The following RUBCNL variants were observed in gnomAD, a reference collection of about 807,000 sequenced individuals.
RUBCNL encodes the protein protein associated with UVRAG as autophagy enhancer.
A neutral mutation model predicts 69.5 loss-of-function variants in RUBCNL; 62 were observed. The ratio of observed to expected loss-of-function variants is 0.89; its 90% CI spans 0.73 to 1.10. The LOEUF (loss-of-function observed/expected upper bound fraction) is 1.10. Ranked by LOEUF, RUBCNL falls within the 50% of genes least tolerant of loss-of-function variation. The pLI is 0.00. For synonymous variants in RUBCNL, 291 were observed against 303.6 expected, an observed-to-expected ratio of 0.96 and a Z score of 0.43; for missense variants, 768 against 798.1, an observed-to-expected ratio of 0.96 and a Z score of 0.45.
At chr13:46,384,989 G>A (rs981782842) in intron 1 of RUBCNL, among the ~76,000 whole-genome samples, 1 of 152,124 alleles carries the variant, frequency 6.6e-6, no homozygotes, top group Admixed American at 6.6e-5. Flanking sequence ...TGGGATAAAA[G>A]ACAATGCAAA....
chr13:46,343,341 T>A lies in RUBCNL; in HGVS notation c.*44A>T, dbSNP rs368184780. 13 of 1,596,686 alleles carry A rather than the reference T, an allele frequency of 8.1e-6. No homozygotes were observed. The African/African-American group carries it at 1.6e-4, about 20-fold the overall frequency. On this transcript the variant is annotated 3_prime_UTR_variant, in exon 15 of 15. Coordinates refer to ENST00000429979, the MANE Select transcript of RUBCNL (RefSeq NM_025113.5). Reference sequence around the variant, plus strand: ...CAATAATAGACACAAATCGGTGTTATCATAAGGCATGTTGAACAGTCTTTT... The same window carrying A: ...CAATAATAGACACAAATCGGTGTTAACATAAGGCATGTTGAACAGTCTTTT...
intron 2 of RUBCNL, among the ~76,000 whole-genome samples, chr13:46,375,407 C>T (rs1033726416): frequency 6.6e-6 from 1 of 152,154 alleles, no homozygotes. Context: ...GTGGCGGGCG[C>T]CTATAATCCC....
Position 46,338,056 on chromosome 13 carries a change from G to A in RUBCNL, c.*5329C>T, listed in dbSNP as rs1200132660. On this transcript the variant is annotated 3_prime_UTR_variant, in exon 15 of 15. Coordinates refer to ENST00000429979, the MANE Select transcript of RUBCNL (RefSeq NM_025113.5). ...GCAGATATCAGAGTGTAAGGAGAAG[G>A]GAGCATGTGTGTGCACGTGCAGTAC... 3.3e-5 allele frequency among the ~76,000 whole-genome samples: 5 copies of A among 152,194 alleles called. No individual in the cohort carries two copies. Among genetic ancestry groups the A allele is most frequent in the African/African-American group, 1.2e-4 (5 of 41,446 alleles).
intron 12 of RUBCNL, among the ~76,000 whole-genome samples, chr13:46,348,523 G>A (rs898216394): frequency 1.3e-5 from 2 of 152,050 alleles, no homozygotes; most frequent in African/African-American, 4.8e-5. Context: ...GTCATGGAAG[G>A]AGCCTGGTGG....
In RUBCNL at chr13:46,336,895, T is replaced by A. The variant is rs1344918248; in HGVS notation, c.*6490A>T. 1.3e-5 allele frequency among the ~76,000 whole-genome samples: 2 copies of A among 152,064 alleles called. No homozygotes were observed. The highest frequency in any genetic ancestry group is 4.8e-5 in the African/African-American group (2 of 41,374). On this transcript the variant is annotated 3_prime_UTR_variant, in exon 15 of 15. Transcript: ENST00000429979. ...TTCCTTTATTTTTTAATGTAAGGAA[T>A]ACTAGATAATATGGATAACTCAGAG...
chr13:46,342,050 C>A lies in RUBCNL; in HGVS notation c.*1335G>T, dbSNP rs970938336. On this transcript the variant is annotated 3_prime_UTR_variant, in exon 15 of 15. Transcript: ENST00000429979. ...TATGTGCCTCTACACTTCTATAATA[C>A]TTAGAAAAGATCTGGCTTAAATAAT... is the stretch of plus-strand genomic sequence containing the variant. The A allele has an allele frequency of 1.8e-4, 28 of 152,184 alleles. No homozygotes were observed. The highest frequency in any genetic ancestry group is 6.8e-4 in the African/African-American group (28 of 41,442). 9.4% of individuals were successfully genotyped at this position (152,184 alleles called of 1,614,324 possible).
Position 46,345,461 on chromosome 13 carries a change from C to T in RUBCNL, c.1771G>A (p.Val591Met). ...KDILKASLAH[V>M]AGCELCQGKG... ...TGCACCCTCACCTCACAGCCAGCCA[C>T]ATGTGCAAGGGAAGCTTTCAGAATG... The change falls in exon 13 of 15, where the codon GTG becomes ATG. Residue 591 changes from valine (V) to methionine (M), a missense_variant. Val to Met is a conservative substitution (Grantham distance 21). Coordinates refer to ENST00000429979, the MANE Select transcript of RUBCNL (RefSeq NM_025113.5). 1.3e-6 allele frequency: 2 copies of T among 1,564,932 alleles called. No homozygotes were observed. Among genetic ancestry groups the T allele is most frequent in the Non-Finnish European group, 8.7e-7 (1 of 1,155,032 alleles).
At chr13:46,373,522 A>G (rs2048923882) in intron 2 of RUBCNL, among the ~76,000 whole-genome samples, 2 of 152,220 alleles carry the variant, frequency 1.3e-5, no homozygotes, top group South Asian at 4.1e-4. Flanking sequence ...GCTTTAGTGA[A>G]GACGTAATGA....
At chr13:46,351,799 G>A (rs1001910612) in intron 10 of RUBCNL, among the ~76,000 whole-genome samples, 4 of 150,334 alleles carry the variant, frequency 2.7e-5, no homozygotes, top group South Asian at 2.1e-4. Flanking sequence ...CTGGAGGGTA[G>A]GAGAAAGAAG....
At position 46,343,506 on chromosome 13, in the gene RUBCNL, A is replaced by G. The variant is rs1040378027; in HGVS notation, c.1877-9T>C. ...AAAGCAAGCCCTGCACGCTGCAAGC[A>G]AGGAAGAGAGCCGTTAGCAAACGGT... On this transcript the variant is annotated splice_polypyrimidine_tract_variant and intron_variant, in intron 14 of 14. Transcript: ENST00000429979. The G allele has an allele frequency of 9.3e-6, 15 of 1,611,920 alleles. No individual in the cohort carries two copies. The highest frequency in any genetic ancestry group is 1.3e-5 in the Non-Finnish European group (15 of 1,178,418).
chr13:46,363,213 C>A lies in RUBCNL; in HGVS notation c.827G>T (p.Gly276Val). The A allele has an allele frequency of 1.3e-6, 2 of 1,492,136 alleles. No individual in the cohort carries two copies. 92.4% of individuals were successfully genotyped at this position (1,492,136 alleles called of 1,614,324 possible). The change falls in exon 6 of 15, where the codon GGT (glycine) becomes GTT (valine). Residue 276 changes from glycine (G) to valine (V), a missense_variant and splice_region_variant. Physicochemically the swap from Gly to Val is moderately radical, Grantham distance 109 (BLOSUM62 -3). Transcript: ENST00000429979. ...SSTSSYSGYE[G>V]CAVLQVSPVT... ...TGGGCTGACCTGTAACACAGCACAACCTAGACAAAGAAAGGAAGGAGGTTT... is the reference window on the plus strand; with the variant it reads ...TGGGCTGACCTGTAACACAGCACAAACTAGACAAAGAAAGGAAGGAGGTTT...
intron 12 of RUBCNL, among the ~76,000 whole-genome samples, chr13:46,346,308 A>T (rs1407082932): frequency 2.6e-5 from 4 of 152,154 alleles, no homozygotes; most frequent in Non-Finnish European, 5.9e-5. Context: ...CTCCTGCGGC[A>T]TCCTCTGCCT....
intron 5 of RUBCNL, among the ~76,000 whole-genome samples, chr13:46,365,963 A>G (rs2048745339): frequency 6.6e-6 from 1 of 152,250 alleles, no homozygotes; most frequent in South Asian, 2.1e-4. Flanking sequence ...GACTAGCCAG[A>G]AGGCTACTGC....
At chr13:46,369,160 G>T (rs1446570484) in intron 3 of RUBCNL, among the ~76,000 whole-genome samples, 2 of 152,164 alleles carry the variant, frequency 1.3e-5, no homozygotes, top group South Asian at 2.1e-4. Flanking sequence ...CAAAAGCAGG[G>T]TCCTAAGGAT....
At chr13:46,371,790 C>A (rs529701477) in intron 3 of RUBCNL, 151 bp downstream of exon 3, 5 of 731,502 alleles carry the variant, frequency 6.8e-6, no homozygotes, top group Non-Finnish European at 6.6e-6. Flanking sequence ...TTTGATTTCA[C>A]CTGTTGTGAC....
intron 13 of RUBCNL, among the ~76,000 whole-genome samples, chr13:46,345,170 C>A (rs929631075): frequency 6.6e-6 from 1 of 152,166 alleles, no homozygotes; most frequent in South Asian, 2.1e-4. Context: ...ATCCTGGTTC[C>A]ACATGACTAT....
chr13:46,363,510 A>T (rs937996609), intron 5 of RUBCNL, among the ~76,000 whole-genome samples: 4 of 152,172 alleles, frequency 2.6e-5, no homozygotes, highest in African/African-American at 7.2e-5. Context: ...TAAACGTTTA[A>T]TAATAGGAAA....
chr13:46,371,900 G>GTGAA lies in RUBCNL; in HGVS notation c.535+37_535+40dup, dbSNP rs1458772505. 12 of 1,595,192 alleles carry GTGAA rather than the reference G, an allele frequency of 7.5e-6. No individual in the cohort carries two copies. The South Asian group carries it at 1.1e-4, about 15-fold the overall frequency. On this transcript the variant is annotated intron_variant, in intron 3 of 14. Coordinates refer to ENST00000429979, the MANE Select transcript of RUBCNL (RefSeq NM_025113.5). Reference sequence around the variant, plus strand: ...CTTTAGAGCAAGGCGAAGCAAGGGTGTGAACAGAGAGGAATGAGGGAGGTC... The same window carrying GTGAA: ...CTTTAGAGCAAGGCGAAGCAAGGGTGTGAATGAACAGAGAGGAATGAGGGAGGTC...
chr13:46,382,124 G>T (rs2049130737), intron 1 of RUBCNL, among the ~76,000 whole-genome samples: 1 of 152,094 alleles, frequency 6.6e-6, no homozygotes, highest in Admixed American at 6.6e-5. Flanking sequence ...TTAAATCAGT[G>T]AAGCATTTGG....
Sources: gnomAD v4.1 joint callset for allele counts (sites outside exome capture counted in the v4.1 genomes callset) on GRCh38, gnomAD v4.1.1 for gene constraint, MANE v1.5 for transcripts, NCBI Gene and HGNC (gene_info 2026-07-23, HGNC 2026-07-21) for gene names.